MLXIPL: variants seen among roughly 807,000 people sequenced by gnomAD.
MLXIPL encodes the protein MLX interacting protein like, also known as carbohydrate-responsive element-binding protein.
In MLXIPL, 49 loss-of-function variants were observed where a neutral mutation model predicts 81.5. The observed-to-expected ratio is 0.60, with a 90% CI of 0.48 to 0.76. The LOEUF (loss-of-function observed/expected upper bound fraction) is 0.76, where lower values mean the gene tolerates loss of function less well. MLXIPL is among the 30% of genes least tolerant of loss of function. The probability of loss-of-function intolerance (pLI) is 0.00; values close to 1 mark genes in which losing one functional copy is unlikely to be tolerated. For missense variants in MLXIPL, 1,053 were observed against 1,167.0 expected, an observed-to-expected ratio of 0.90 and a Z score of 1.42; for synonymous variants, 466 against 485.5, an observed-to-expected ratio of 0.96 and a Z score of 0.53.
chr7:73,597,972 C>G (rs1043652188), intron 8 of MLXIPL, among the ~76,000 whole-genome samples: 3 of 152,124 alleles, frequency 2.0e-5, no homozygotes, highest in African/African-American at 7.2e-5. Flanking sequence ...TCTTCCTGCC[C>G]GTCCATTTGT....
At chr7:73,620,755 AAAAG>A (rs1195985373) in intron 1 of MLXIPL, among the ~76,000 whole-genome samples, 4 of 148,780 alleles carry the variant, frequency 2.7e-5, no homozygotes, top group African/African-American at 9.9e-5. Context: ...AAAAAAAAAG[AAAAG>A]AAAGAAAAAG....
At chr7:73,611,741 G>T (rs1172207272) in intron 2 of MLXIPL, among the ~76,000 whole-genome samples, 1 of 151,604 alleles carries the variant, frequency 6.6e-6, no homozygotes. Flanking sequence ...GCTTGAACCC[G>T]GGAGGCAGAG....
At chr7:73,599,992 C>A (rs1423265234) in intron 7 of MLXIPL, among the ~76,000 whole-genome samples, 2 of 152,014 alleles carry the variant, frequency 1.3e-5, no homozygotes, top group African/African-American at 4.8e-5. Context: ...AGGCTTAGCT[C>A]AGGAAGTCCC....
intron 1 of MLXIPL, 103 bp downstream of exon 1, chr7:73,624,097 G>C: frequency 7.1e-7 from 1 of 1,407,648 alleles, no homozygotes; most frequent in South Asian, 1.5e-5. Context: ...GCAGGACCGG[G>C]CTCGGGTGGG....
chr7:73,644,377 T>C, the MLXIPL span, among the ~76,000 whole-genome samples: 1 of 152,028 alleles, frequency 6.6e-6, no homozygotes, highest in African/African-American at 2.4e-5. Context: ...GCCCGGCTAA[T>C]TTTTGTATTT....
Position 73,593,669 on chromosome 7 carries a change from A to G in MLXIPL, c.*196T>C. The G allele has an allele frequency of 3.4e-6, 2 of 586,542 alleles. No individual in the cohort carries two copies. The highest frequency in any genetic ancestry group is 3.7e-5 in the South Asian group (2 of 53,606). 36.3% of individuals were successfully genotyped at this position (586,542 alleles called of 1,614,324 possible). A position where few individuals can be genotyped will look rare whatever the true frequency, so the allele number is the denominator to read the frequency against. On this transcript the variant is annotated 3_prime_UTR_variant, in exon 17 of 17. Coordinates refer to ENST00000313375, the MANE Select transcript of MLXIPL (RefSeq NM_032951.3). ...TCACGGTGCTGGAGCACAGTGGCAG[A>G]GCAGGGACGGGGACTCTGCTCTTCT...
At chr7:73,646,930 G>A in the MLXIPL span, among the ~76,000 whole-genome samples, 2 of 152,156 alleles carry the variant, frequency 1.3e-5, no homozygotes, top group Admixed American at 1.3e-4. Context: ...AAGGCCCAGA[G>A]GGACTTGGTT....
intron 16 of MLXIPL, 128 bp downstream of exon 16, chr7:73,594,146 G>A: frequency 2.0e-6 from 3 of 1,489,142 alleles, no homozygotes; most frequent in Non-Finnish European, 2.8e-6. Flanking sequence ...ACCATCTGGG[G>A]GATGCGGGGT....
the MLXIPL span, among the ~76,000 whole-genome samples, chr7:73,631,158 G>A: frequency 3.0e-3 from 458 of 151,986 alleles, 1 homozygote; most frequent in Non-Finnish European, 4.8e-3. Context: ...ACAGGTGCCC[G>A]CCACCACGCC....
chr7:73,599,664 C>G lies in MLXIPL; in HGVS notation c.933G>C (p.Pro311=). The G allele has an allele frequency of 6.2e-7, 1 of 1,607,374 alleles. No homozygotes were observed. ...GCTCTGGGAAGTTTGAAGGCATGGGCGGCTGTGGGAGGCGGGAGTTGGTAA... is the reference window on the plus strand; with the variant it reads ...GCTCTGGGAAGTTTGAAGGCATGGGGGGCTGTGGGAGGCGGGAGTTGGTAA... ...DFFTNSRLPQ[P]PMPSNFPEPP... The change falls in exon 8 of 17, where the codon CCG becomes CCC. Residue 311 remains proline (P), a synonymous_variant. Transcript: ENST00000313375.
chr7:73,633,246 A>G, the MLXIPL span, among the ~76,000 whole-genome samples: 1 of 150,880 alleles, frequency 6.6e-6, no homozygotes, highest in South Asian at 2.1e-4. Context: ...ACGCCCGGCT[A>G]ATTTTTTTTC....
At chr7:73,617,565 C>T (rs1285620646) in intron 1 of MLXIPL, among the ~76,000 whole-genome samples, 1 of 151,778 alleles carries the variant, frequency 6.6e-6, no homozygotes, top group Non-Finnish European at 1.5e-5. Context: ...ACAGGATGGG[C>T]TGGGCGCGGT....
rs555281299 is a variant in MLXIPL, at chr7:73,593,501, G to A, written c.*364C>T. On this transcript the variant is annotated 3_prime_UTR_variant, in exon 17 of 17. Transcript: ENST00000313375. ...GAAACAGCATCCTCCTCTTTCCACC[G>A]TTGAGCCCCCGGAGTTGCCAGCCTA... 357 of 322,340 alleles carry A rather than the reference G, an allele frequency of 1.1e-3. 2 individuals are homozygous for A. Among genetic ancestry groups the A allele is most frequent in the Admixed American group, 1.9e-3 (47 of 24,894 alleles). The allele number at this position is 322,340 out of a possible 1,614,324, so 20.0% of individuals were successfully genotyped here.
chr7:73,596,063 G>A lies in MLXIPL; in HGVS notation c.2058+90C>T. On this transcript the variant is annotated intron_variant, in intron 13 of 16. Transcript: ENST00000313375. The surrounding 1 kb of genome is among the most constrained non-coding windows in gnomAD (Gnocchi z 4.7). Reference sequence around the variant, plus strand: ...GGATGGGAGGAGGCAAGAGTGTCTGGAGCACTCCCCTGCAATTGAGTTTTG... The same window carrying A: ...GGATGGGAGGAGGCAAGAGTGTCTGAAGCACTCCCCTGCAATTGAGTTTTG... 6.3e-7 allele frequency: 1 copy of A among 1,598,644 alleles called. No homozygotes were observed. The highest frequency in any genetic ancestry group is 8.5e-7 in the Non-Finnish European group (1 of 1,175,432).
chr7:73,638,585 A>G, the MLXIPL span, among the ~76,000 whole-genome samples: 5 of 151,728 alleles, frequency 3.3e-5, no homozygotes, highest in Non-Finnish European at 7.4e-5. Flanking sequence ...CCTGGCCTCA[A>G]CTAAGGCTTT....
rs144027733 is a variant in MLXIPL, at chr7:73,613,115, A to G, written c.400+2956T>C. Among the ~76,000 whole-genome samples the G allele has an allele frequency of 3.2e-3, 482 of 152,256 alleles. 1 individual carries two copies. The highest frequency in any genetic ancestry group is 0.014 in the Middle Eastern group (4 of 294). On this transcript the variant is annotated intron_variant, in intron 2 of 16. Transcript: ENST00000313375. The stretch of plus-strand genomic sequence containing the variant: ...GCAGAGCCCTTCCTGCTTGAGCCCT[A>G]AGGCCCGACATTAGTGGCGTCAAGC...
Position 73,594,336 on chromosome 7 carries a change from G to C in MLXIPL, c.2378C>G (p.Thr793Ser). 4 of 1,611,006 alleles carry C rather than the reference G, an allele frequency of 2.5e-6. No individual in the cohort carries two copies. Among genetic ancestry groups the C allele is most frequent in the Non-Finnish European group, 3.4e-6 (4 of 1,180,002 alleles). Residue 793 changes from threonine (T) to serine (S), a missense_variant, in exon 16 of 17, where the codon ACC becomes AGC. Transcript: ENST00000313375. ...NGMVSTASVHTLRQTSLAWLD... is the reference protein window; with the variant it reads ...NGMVSTASVHSLRQTSLAWLD... Reference sequence around the variant, plus strand: ...CCAGGCCAGTGAGGTCTGGCGGAGGGTGTGCACACTTGCCGTGGACACCAT... The same window carrying C: ...CCAGGCCAGTGAGGTCTGGCGGAGGCTGTGCACACTTGCCGTGGACACCAT...
chr7:73,596,773 T>G lies in MLXIPL; in HGVS notation c.1688A>C (p.Glu563Ala), dbSNP rs1794355473. ...CGGGGGAAGGAATGTGCAGGGGAAT[T>G]CAGGGACTGTCTCCTGCTGGGGTGG... ...SPGSPQETVP[E>A]FPCTFLPPTP... Residue 563 changes from glutamate (E) to alanine (A), a missense_variant, in exon 11 of 17, where the codon GAA becomes GCA. By Grantham distance (107) the Glu-to-Ala change is moderately radical. Transcript: ENST00000313375. This position sits in a 1 kb window ranked among gnomAD's most constrained non-coding sequence, Gnocchi z 4.7. The G allele has an allele frequency of 6.2e-7, 1 of 1,604,510 alleles. No individual in the cohort carries two copies. The highest frequency in any genetic ancestry group is 8.5e-7 in the Non-Finnish European group (1 of 1,176,538).
chr7:73,644,426 T>C, the MLXIPL span, among the ~76,000 whole-genome samples: 20 of 152,164 alleles, frequency 1.3e-4, no homozygotes, highest in African/African-American at 4.3e-4. Context: ...GCCAGGCTGG[T>C]CTTGAACTCC....
Sources: gnomAD v4.1 joint callset for allele counts (sites outside exome capture counted in the v4.1 genomes callset) on GRCh38, gnomAD v4.1.1 for gene constraint, Gnocchi (gnomAD v3.1) non-coding constraint, MANE v1.5 for transcripts, NCBI Gene and HGNC (gene_info 2026-07-23, HGNC 2026-07-21) for gene names.